The following CACNA1E variants were observed in gnomAD, a reference collection of about 807,000 sequenced individuals.
CACNA1E encodes voltage-dependent R-type calcium channel subunit alpha-1E.
In CACNA1E, 40 loss-of-function variants were observed where a neutral mutation model predicts 259.2. That is an observed-to-expected ratio of 0.15 (90% CI 0.12 to 0.20). The LOEUF (loss-of-function observed/expected upper bound fraction) is 0.20, where lower values mean the gene tolerates loss of function less well. Ranked by LOEUF, CACNA1E falls within the 10% of genes least tolerant of loss-of-function variation. The probability of loss-of-function intolerance (pLI) is 1.00; values close to 1 mark genes in which losing one functional copy is unlikely to be tolerated. For missense variants in CACNA1E, 1,874 were observed against 3,040.1 expected (o/e 0.62, Z 9.02); for synonymous variants, 1,104 against 1,138.5 (o/e 0.97, Z 0.61).
At chr1:181,344,139 T>C (rs1652405336) in intron 1 of CACNA1E, among the ~76,000 whole-genome samples, 1 of 152,224 alleles carries the variant, frequency 6.6e-6, no homozygotes. Flanking sequence ...CCCACTGCTC[T>C]GGAAGAATCT....
intron 7 of CACNA1E, among the ~76,000 whole-genome samples, chr1:181,699,297 T>C (rs1220884262): frequency 6.6e-6 from 1 of 152,198 alleles, no homozygotes; most frequent in Non-Finnish European, 1.5e-5. Context: ...CTTATATTCT[T>C]GAGCAAAGAC....
At chr1:181,357,969 T>C (rs1306316627) in intron 1 of CACNA1E, among the ~76,000 whole-genome samples, 1 of 152,092 alleles carries the variant, frequency 6.6e-6, no homozygotes, top group Non-Finnish European at 1.5e-5. Context: ...ACATTTGCCA[T>C]GAAAAGGAGG....
At chr1:181,392,179 A>G (rs1436907167) in intron 1 of CACNA1E, among the ~76,000 whole-genome samples, 1 of 152,174 alleles carries the variant, frequency 6.6e-6, no homozygotes, top group African/African-American at 2.4e-5. Context: ...CTGGCATTAA[A>G]GCCTTTTAGG....
chr1:181,749,816 G>A (rs190412227), intron 25 of CACNA1E, among the ~76,000 whole-genome samples: 6 of 152,258 alleles, frequency 3.9e-5, no homozygotes, highest in Non-Finnish European at 2.9e-5. Context: ...ATGGACTGGC[G>A]GTCATTTAAT....
At chr1:181,442,307 G>A (rs1660544290) in intron 2 of CACNA1E, among the ~76,000 whole-genome samples, 1 of 143,998 alleles carries the variant, frequency 6.9e-6, no homozygotes, top group East Asian at 1.9e-4. Context: ...GGAGACAGGT[G>A]TGAGGGGCCA....
intron 3 of CACNA1E, among the ~76,000 whole-genome samples, chr1:181,577,246 ATTC>A (rs1399237276): frequency 6.6e-6 from 1 of 152,212 alleles, no homozygotes; most frequent in Non-Finnish European, 1.5e-5. Context: ...GACCATTGAA[ATTC>A]TTCTCCAGTT....
At chr1:181,415,289 C>T (rs1658180242) in intron 2 of CACNA1E, among the ~76,000 whole-genome samples, 1 of 152,148 alleles carries the variant, frequency 6.6e-6, no homozygotes, top group Non-Finnish European at 1.5e-5. Flanking sequence ...ACTTTTATGT[C>T]TCTAAGTTAA....
chr1:181,749,950 C>T (rs1657443772), intron 25 of CACNA1E, among the ~76,000 whole-genome samples: 2 of 152,172 alleles, frequency 1.3e-5, no homozygotes, highest in South Asian at 2.1e-4. Flanking sequence ...GTGAGTCTCT[C>T]TCTGAGTGGT....
At chr1:181,779,799 T>C (rs1376004038) in intron 38 of CACNA1E, among the ~76,000 whole-genome samples, 3 of 135,854 alleles carry the variant, frequency 2.2e-5, no homozygotes, top group African/African-American at 8.2e-5. Flanking sequence ...CACACTCATG[T>C]ATGTGTGTAT....
In CACNA1E at chr1:181,793,699, C is replaced by T; in HGVS notation, c.5933C>T (p.Pro1978Leu). ...GTTAGTGAATTAAAAAGCGTGCAGC[C>T]CTCTAACCATGGCATCTACCTTCCT... ...PEVSELKSVQ[P>L]SNHGIYLPSD... The change falls in exon 45 of 48, where the codon CCC (proline) becomes CTC (leucine). Residue 1978 changes from proline to leucine, a missense_variant. By Grantham distance (98) the Pro-to-Leu change is moderately conservative. Transcript: ENST00000367573. The T allele has an allele frequency of 6.2e-7, 1 of 1,611,056 alleles. No individual in the cohort carries two copies. Among genetic ancestry groups the T allele is most frequent in the Non-Finnish European group, 8.5e-7 (1 of 1,179,188 alleles).
chr1:181,610,030 C>T (rs1459916586), intron 6 of CACNA1E, among the ~76,000 whole-genome samples: 1 of 152,138 alleles, frequency 6.6e-6, no homozygotes, highest in African/African-American at 2.4e-5. Flanking sequence ...CCCTGGACAC[C>T]AACACAGTAT....
chr1:181,614,881 G>A (rs978872137), intron 6 of CACNA1E, among the ~76,000 whole-genome samples: 13 of 152,106 alleles, frequency 8.5e-5, no homozygotes, highest in East Asian at 1.9e-4. Context: ...TGTTGCAAAC[G>A]TCCAAATTTT....
intron 1 of CACNA1E, among the ~76,000 whole-genome samples, chr1:181,366,696 T>C (rs1272696603): frequency 6.6e-6 from 1 of 152,204 alleles, no homozygotes; most frequent in African/African-American, 2.4e-5. Flanking sequence ...CTTTGCTGTG[T>C]GACCCCAGAC....
chr1:181,521,567 G>A (rs1666996083), intron 3 of CACNA1E, among the ~76,000 whole-genome samples: 1 of 152,202 alleles, frequency 6.6e-6, no homozygotes, highest in African/African-American at 2.4e-5. Flanking sequence ...TATTAGTTGA[G>A]CACATCCTGT....
chr1:181,339,034 A>G (rs1163049099), intron 1 of CACNA1E, among the ~76,000 whole-genome samples: 1 of 152,010 alleles, frequency 6.6e-6, no homozygotes, highest in African/African-American at 2.4e-5. Context: ...GTCTGTTTTT[A>G]TGCCTATGTG....
At chr1:181,755,452 C>T (rs2102682623) in intron 28 of CACNA1E, 55 bp downstream of exon 28, 2 of 1,360,084 alleles carry the variant, frequency 1.5e-6, no homozygotes, top group African/African-American at 1.4e-5. Context: ...CCTGATGATC[C>T]CACTCCACCA....
intron 7 of CACNA1E, among the ~76,000 whole-genome samples, chr1:181,681,607 T>C (rs1057320924): frequency 1.3e-5 from 2 of 149,216 alleles, no homozygotes. Context: ...TACTCCCTTA[T>C]GTAAAAACCT....
chr1:181,798,480 C>G lies in CACNA1E; in HGVS notation c.6588C>G (p.Thr2196=), dbSNP rs754733534. The G allele has an allele frequency of 6.2e-7, 1 of 1,613,892 alleles. No individual in the cohort carries two copies. Among genetic ancestry groups the G allele is most frequent in the East Asian group, 2.2e-5 (1 of 44,862 alleles). Residue 2196 remains threonine (T), a synonymous_variant, in exon 48 of 48, where the codon ACC becomes ACG. Coordinates refer to ENST00000367573, the MANE Select transcript of CACNA1E (RefSeq NM_001205293.3). The surrounding 1 kb of genome is among the most constrained non-coding windows in gnomAD (Gnocchi z 4.2). ...ADGSEEGSPL[T]SQALESNNAC... is the part of the protein sequence containing the mutation. The stretch of plus-strand genomic sequence containing the variant: ...GAAGCGAGGAGGGCTCCCCGCTGAC[C>G]TCCCAAGCTCTGGAGAGCAACAATG...
intron 40 of CACNA1E, among the ~76,000 whole-genome samples, chr1:181,784,273 C>A (rs1660674418): frequency 6.6e-6 from 1 of 152,146 alleles, no homozygotes; most frequent in East Asian, 1.9e-4. Context: ...TTTTTAAAAT[C>A]AGGTCACTCA....
Sources: allele counts gnomAD v4.1 joint callset (sites outside exome capture counted in the v4.1 genomes callset), GRCh38; gene constraint gnomAD v4.1.1; non-coding constraint Gnocchi (gnomAD v3.1); transcripts MANE v1.5; gene names NCBI Gene and HGNC (gene_info 2026-07-23, HGNC 2026-07-21).